Variants in MCC observed in about 807,000 individuals in gnomAD.
MCC encodes MCC regulator of Wnt signaling pathway.
MCC carries 90 observed loss-of-function variants against 116.2 expected under a neutral mutation model. That is an observed-to-expected ratio of 0.77 (90% CI 0.65 to 0.92). The LOEUF is 0.92. Ranked by LOEUF, MCC falls within the 40% of genes least tolerant of loss-of-function variation. The pLI, the probability that MCC is intolerant of heterozygous loss-of-function variation, is 0.00. For synonymous variants in MCC, 578 were observed against 510.5 expected (o/e 1.13, Z -1.78); for missense variants, 1,516 against 1,312.2 (o/e 1.16, Z -2.40).
At chr5:113,469,383 T>A (rs959437904) in intron 1 of MCC, among the ~76,000 whole-genome samples, 3 of 152,222 alleles carry the variant, frequency 2.0e-5, no homozygotes, top group African/African-American at 7.2e-5. Context: ...GTATGTTGTG[T>A]CTTTGTTCTC....
At chr5:113,446,910 A>C (rs1358693758) in intron 1 of MCC, among the ~76,000 whole-genome samples, 1 of 152,192 alleles carries the variant, frequency 6.6e-6, no homozygotes, top group Non-Finnish European at 1.5e-5. Context: ...CAATATACCC[A>C]GGTAACAAAC....
At chr5:113,300,242 A>G (rs1472332247) in intron 3 of MCC, among the ~76,000 whole-genome samples, 1 of 152,282 alleles carries the variant, frequency 6.6e-6, no homozygotes, top group East Asian at 1.9e-4. Context: ...CCTTGGAATT[A>G]GTTGGCCTGG....
chr5:113,139,127 G>T (rs556490345), intron 5 of MCC, among the ~76,000 whole-genome samples: 1 of 152,042 alleles, frequency 6.6e-6, no homozygotes, highest in Admixed American at 6.6e-5. Flanking sequence ...TTGTGCCCTT[G>T]TTGACCAATA....
At chr5:113,440,262 G>A (rs1770995453) in intron 1 of MCC, among the ~76,000 whole-genome samples, 1 of 152,064 alleles carries the variant, frequency 6.6e-6, no homozygotes, top group Admixed American at 6.6e-5. Flanking sequence ...TCTTGAGTAG[G>A]CTCTCATGGC....
intron 3 of MCC, among the ~76,000 whole-genome samples, chr5:113,236,438 T>G (rs753294629): frequency 1.3e-5 from 2 of 152,200 alleles, no homozygotes; most frequent in Non-Finnish European, 2.9e-5. Context: ...TAAATCTCAG[T>G]TGTATTACTT....
At chr5:113,203,793 G>T (rs1295152930) in intron 3 of MCC, among the ~76,000 whole-genome samples, 1 of 152,150 alleles carries the variant, frequency 6.6e-6, no homozygotes. Flanking sequence ...CAGATGTATG[G>T]AGTTTGCTAT....
At chr5:113,420,081 T>C (rs1445819091) in intron 1 of MCC, among the ~76,000 whole-genome samples, 15 of 151,000 alleles carry the variant, frequency 9.9e-5, no homozygotes, top group Non-Finnish European at 1.9e-4. Flanking sequence ...AAATATGTTA[T>C]ATGAATTATA....
intron 1 of MCC, among the ~76,000 whole-genome samples, chr5:113,450,681 A>G (rs911002921): frequency 8.5e-5 from 13 of 152,304 alleles, no homozygotes; most frequent in African/African-American, 2.9e-4. Context: ...TTCTTTTCAT[A>G]AGCATTTTAA....
intron 6 of MCC, among the ~76,000 whole-genome samples, chr5:113,110,123 T>A (rs1390241874): frequency 6.6e-6 from 1 of 152,196 alleles, no homozygotes; most frequent in East Asian, 1.9e-4. Context: ...CTGTGCTTTA[T>A]GCATCAAAGG....
chr5:113,082,738 A>C, intron 11 of MCC, 122 bp downstream of exon 11: 1 of 1,220,988 alleles, frequency 8.2e-7, no homozygotes, highest in Non-Finnish European at 1.1e-6. Flanking sequence ...CATCCCCACC[A>C]GCCTGACGGT....
At chr5:113,133,120 C>T (rs557819880) in intron 5 of MCC, among the ~76,000 whole-genome samples, 6 of 152,200 alleles carry the variant, frequency 3.9e-5, no homozygotes, top group East Asian at 3.9e-4. Flanking sequence ...TATCCATCAC[C>T]TTCAACATGT....
chr5:113,223,078 G>C (rs116444064), intron 3 of MCC, among the ~76,000 whole-genome samples: 1,574 of 152,288 alleles, frequency 0.01, 33 homozygotes, highest in African/African-American at 0.036. Context: ...TTCATTGACA[G>C]GGACGGTGAC....
At chr5:113,179,291 T>C (rs1418212854) in intron 3 of MCC, among the ~76,000 whole-genome samples, 1 of 152,196 alleles carries the variant, frequency 6.6e-6, no homozygotes, top group Admixed American at 6.5e-5. Context: ...TTTACTCATG[T>C]TAATGGTTCT....
chr5:113,418,406 T>C (rs1770218448), intron 1 of MCC, among the ~76,000 whole-genome samples: 1 of 152,138 alleles, frequency 6.6e-6, no homozygotes, highest in Non-Finnish European at 1.5e-5. Context: ...TATTTAAGAT[T>C]AAATATAAGA....
intron 3 of MCC, among the ~76,000 whole-genome samples, chr5:113,239,177 A>T (rs1193562536): frequency 6.6e-6 from 1 of 152,242 alleles, no homozygotes; most frequent in Non-Finnish European, 1.5e-5. Flanking sequence ...AAGTTTGGAC[A>T]CCATTAGTTG....
intron 14 of MCC, among the ~76,000 whole-genome samples, chr5:113,061,467 C>T (rs1753213106): frequency 1.3e-5 from 2 of 152,184 alleles, no homozygotes; most frequent in South Asian, 4.1e-4. Flanking sequence ...TTGATAAAGC[C>T]ATCCAGGCAA....
intron 3 of MCC, among the ~76,000 whole-genome samples, chr5:113,280,641 A>T (rs1766007830): frequency 6.6e-6 from 1 of 152,214 alleles, no homozygotes; most frequent in African/African-American, 2.4e-5. Flanking sequence ...TGGTGTCACC[A>T]GATGGAGAAA....
intron 1 of MCC, among the ~76,000 whole-genome samples, chr5:113,419,173 T>C (rs1194835664): frequency 1.3e-5 from 2 of 151,324 alleles, no homozygotes; most frequent in South Asian, 2.1e-4. Flanking sequence ...TTCTTTCTTT[T>C]TTTTTTTTTT....
At chr5:113,191,456 C>T (rs1389665265) in intron 3 of MCC, among the ~76,000 whole-genome samples, 2 of 152,182 alleles carry the variant, frequency 1.3e-5, no homozygotes, top group Admixed American at 6.5e-5. Context: ...ATGGCCCTAC[C>T]GAATCCAGAG....
Sources: allele counts gnomAD v4.1 joint callset (sites outside exome capture counted in the v4.1 genomes callset), GRCh38; gene constraint gnomAD v4.1.1; transcripts MANE v1.5; gene names NCBI Gene and HGNC (gene_info 2026-07-23, HGNC 2026-07-21).